ELP4: variants seen among roughly 807,000 people sequenced by gnomAD.
The protein encoded by ELP4 is elongator complex protein 4.
Under a neutral mutation model 48.9 loss-of-function variants are expected in ELP4, and 51 were observed. The ratio of observed to expected loss-of-function variants is 1.04; its 90% CI spans 0.83 to 1.32. The LOEUF is 1.32. Among genes scored for constraint, ELP4 ranks in the 40% most tolerant of loss-of-function variants. The probability of loss-of-function intolerance (pLI) is 0.00; values close to 1 mark genes in which losing one functional copy is unlikely to be tolerated. For missense variants in ELP4, 519 were observed against 514.6 expected (o/e 1.01, Z -0.08); for synonymous variants, 210 against 189.2 (o/e 1.11, Z -0.90).
intron 9 of ELP4, among the ~76,000 whole-genome samples, chr11:31,679,470 C>G (rs1946010724): frequency 6.6e-6 from 1 of 152,128 alleles, no homozygotes; most frequent in Admixed American, 6.5e-5. Context: ...TGAGGCCTCT[C>G]TACTTGGCTT....
At chr11:31,773,522 C>T (rs1252475780) in intron 9 of ELP4, among the ~76,000 whole-genome samples, 1 of 152,122 alleles carries the variant, frequency 6.6e-6, no homozygotes, top group African/African-American at 2.4e-5. Flanking sequence ...CCACTGCCAC[C>T]ACTGCAACTT....
chr11:31,594,645 T>G, intron 3 of ELP4, 125 bp from the exon 4 acceptor site: 1 of 521,486 alleles, frequency 1.9e-6, no homozygotes, highest in Non-Finnish European at 3.2e-6. Context: ...GAATTTGTAT[T>G]TAAATCAATG....
intron 9 of ELP4, among the ~76,000 whole-genome samples, chr11:31,676,892 C>T (rs1366820629): frequency 6.6e-6 from 1 of 152,138 alleles, no homozygotes; most frequent in Admixed American, 6.5e-5. Context: ...ATTCAATTAT[C>T]AATATTTTTA....
At chr11:31,636,328 G>C (rs1358688618) in intron 7 of ELP4, among the ~76,000 whole-genome samples, 1 of 151,934 alleles carries the variant, frequency 6.6e-6, no homozygotes, top group African/African-American at 2.4e-5. Flanking sequence ...CATACATATA[G>C]TTGGGTATGT....
At chr11:31,746,714 A>G (rs1418868838) in intron 9 of ELP4, among the ~76,000 whole-genome samples, 1 of 152,068 alleles carries the variant, frequency 6.6e-6, no homozygotes, top group Non-Finnish European at 1.5e-5. Context: ...CAGGAAGGGG[A>G]ACATCACACA....
intron 9 of ELP4, among the ~76,000 whole-genome samples, chr11:31,737,200 C>G (rs901461870): frequency 3.3e-5 from 5 of 152,088 alleles, no homozygotes; most frequent in Non-Finnish European, 5.9e-5. Flanking sequence ...CCATCATTCT[C>G]AGCAAACTAT....
chr11:31,529,619 A>G (rs183915541), intron 2 of ELP4, among the ~76,000 whole-genome samples: 126 of 152,332 alleles, frequency 8.3e-4, no homozygotes, highest in African/African-American at 3.0e-3. Flanking sequence ...AGTTATTGGG[A>G]AAGCCTGCTT....
chr11:31,712,541 A>G (rs1946763701), intron 9 of ELP4, among the ~76,000 whole-genome samples: 1 of 152,156 alleles, frequency 6.6e-6, no homozygotes, highest in African/African-American at 2.4e-5. Context: ...AAATAAGTAC[A>G]TTTAAAATAC....
chr11:31,523,130 G>T lies in ELP4; in HGVS notation c.259+3039G>T, dbSNP rs369986316. On this transcript the variant is annotated intron_variant, in intron 2 of 9. Transcript: ENST00000640961. ...TCAAGCAGTCCTCCTGCCTCAGCCC[G>T]CAGAGTGCTGGGATGATTGGTGTGA... 7.6e-4 allele frequency among the ~76,000 whole-genome samples: 115 copies of T among 151,480 alleles called. 2 individuals are homozygous for T. Among genetic ancestry groups the T allele is most frequent in the African/African-American group, 2.2e-4 (9 of 41,286 alleles).
At chr11:31,748,733 G>A (rs887350208) in intron 9 of ELP4, among the ~76,000 whole-genome samples, 1 of 152,062 alleles carries the variant, frequency 6.6e-6, no homozygotes, top group Non-Finnish European at 1.5e-5. Context: ...GCCAGGTGCA[G>A]TGGCTCACAC....
At chr11:31,577,387 A>T (rs1219780511) in intron 3 of ELP4, among the ~76,000 whole-genome samples, 1 of 152,168 alleles carries the variant, frequency 6.6e-6, no homozygotes, top group East Asian at 1.9e-4. Context: ...TCCTTCTGAA[A>T]CTATTCCAAT....
At chr11:31,646,417 A>G (rs972243173) in intron 7 of ELP4, 1 of 151,774 alleles carries the variant, frequency 6.6e-6, no homozygotes, top group Non-Finnish European at 1.5e-5. Context: ...AGTCATTTCA[A>G]CAGAATGTTT....
At chr11:31,685,835 G>A (rs1217505183) in intron 9 of ELP4, among the ~76,000 whole-genome samples, 2 of 151,718 alleles carry the variant, frequency 1.3e-5, no homozygotes, top group African/African-American at 4.8e-5. Flanking sequence ...GGAGGCTGAG[G>A]CAGGAGAATC....
intron 9 of ELP4, among the ~76,000 whole-genome samples, chr11:31,749,931 C>T (rs1947684128): frequency 1.3e-5 from 2 of 151,690 alleles, no homozygotes; most frequent in Admixed American, 6.6e-5. Flanking sequence ...TCTCGGCTCA[C>T]TGCAAGCTCC....
intron 3 of ELP4, among the ~76,000 whole-genome samples, chr11:31,592,403 A>G (rs1469903696): frequency 1.3e-5 from 2 of 151,818 alleles, no homozygotes; most frequent in African/African-American, 4.8e-5. Flanking sequence ...TTAGCCAAGC[A>G]TGGTGGCATG....
In ELP4 at chr11:31,786,902, T is replaced by G; in HGVS notation, c.*3378T>G. On this transcript the variant is annotated 3_prime_UTR_variant, in exon 10 of 10. Coordinates refer to ENST00000640961, the MANE Select transcript of ELP4 (RefSeq NM_019040.5). ...AGTCAGTCAAGTTTGGAGAAAAAAT[T>G]TAGACGTTTAGTCCTGGGATTCTAC... The G allele has an allele frequency of 4.5e-6, 1 of 219,970 alleles. No individual in the cohort carries two copies. The highest frequency in any genetic ancestry group is 5.8e-5 in the Admixed American group (1 of 17,300). 13.6% of individuals were successfully genotyped at this position (219,970 alleles called of 1,614,324 possible).
intron 9 of ELP4, among the ~76,000 whole-genome samples, chr11:31,708,336 A>G (rs1388818678): frequency 6.6e-6 from 1 of 152,120 alleles, no homozygotes; most frequent in African/African-American, 2.4e-5. Context: ...TGTAACCTTG[A>G]TATTCAGGTT....
intron 9 of ELP4, among the ~76,000 whole-genome samples, chr11:31,754,589 G>C (rs973465104): frequency 6.6e-6 from 1 of 152,054 alleles, no homozygotes; most frequent in Non-Finnish European, 1.5e-5. Context: ...CCTCTCCCCA[G>C]GCTGGGCATG....
chr11:31,510,603 G>A (rs536555779), intron 1 of ELP4: 34 of 387,742 alleles, frequency 8.8e-5, no homozygotes, highest in Non-Finnish European at 1.2e-4. Context: ...TAGTGTCTGC[G>A]TTAAATCTGT....
Sources: gnomAD v4.1 joint callset for allele counts (sites outside exome capture counted in the v4.1 genomes callset) on GRCh38, gnomAD v4.1.1 for gene constraint, MANE v1.5 for transcripts, NCBI Gene and HGNC (gene_info 2026-07-23, HGNC 2026-07-21) for gene names.